MAN1C1: variants seen among roughly 807,000 people sequenced by gnomAD.
MAN1C1 encodes mannosidase alpha class 1C member 1.
MAN1C1 carries 49 observed loss-of-function variants against 71.5 expected under a neutral mutation model. That is an observed-to-expected ratio of 0.69 (90% confidence interval 0.54 to 0.87). MAN1C1 has a LOEUF of 0.87. Ranked by LOEUF, MAN1C1 falls within the 40% of genes least tolerant of loss-of-function variation. The pLI is 0.00. For missense variants in MAN1C1, 743 were observed against 835.0 expected, an observed-to-expected ratio of 0.89 and a Z score of 1.36; for synonymous variants, 352 against 343.7, an observed-to-expected ratio of 1.02 and a Z score of -0.27.
At chr1:25,733,258 AGCTCTGGAGTCCCGTTGGG>A (rs2046934697) in intron 2 of MAN1C1, among the ~76,000 whole-genome samples, 2 of 152,182 alleles carry the variant, frequency 1.3e-5, no homozygotes, top group African/African-American at 4.8e-5. Context: ...CAAGATGGGT[AGCTCTGGAGTCCCGTTGGG>A]CCCAGCCACT....
chr1:25,769,518 G>A lies in MAN1C1; in HGVS notation c.1142-2139G>A, dbSNP rs547211816. On this transcript the variant is annotated intron_variant, in intron 7 of 11. Transcript: ENST00000374332. This position sits in a 1 kb window ranked among gnomAD's most constrained non-coding sequence, Gnocchi z 4.8. ...CTAATGACCTGGCTCCCTCCCCTGC[G>A]TGCCCCTCCAGAGGAAGCCTGGACC... 6.2e-4 allele frequency among the ~76,000 whole-genome samples: 94 copies of A among 152,136 alleles called. No homozygotes were observed. The highest frequency in any genetic ancestry group is 1.9e-3 in the African/African-American group (78 of 41,504).
At chr1:25,749,224 C>T (rs773339655) in intron 3 of MAN1C1, 31 bp from the exon 4 acceptor site, 1 of 1,590,266 alleles carries the variant, frequency 6.3e-7, no homozygotes, top group Non-Finnish European at 8.6e-7. Flanking sequence ...CAAGTGTCCC[C>T]ACTGTCCCCC....
Position 25,758,790 on chromosome 1 carries a change from G to GTCCTCCCTCATGGA in MAN1C1, c.1047+84_1047+97dup, listed in dbSNP as rs1177340816. On this transcript the variant is annotated intron_variant, in intron 6 of 11. Transcript: ENST00000374332. ...CCACAGGGTTTTCAGAGGCGAGTGG[G>GTCCTCCCTCATGGA]TCCTCCCTCATGGATCAGCAGGAGG... The GTCCTCCCTCATGGA allele has an allele frequency of 1.8e-5, 22 of 1,250,948 alleles. No homozygotes were observed. The African/African-American group carries it at 2.9e-4, about 17-fold the overall frequency. The allele number at this position is 1,250,948 out of a possible 1,614,324, so 77.5% of individuals were successfully genotyped here. A position where few individuals can be genotyped will look rare whatever the true frequency, so the allele number is the denominator to read the frequency against.
rs778669432 is a variant in MAN1C1 at position 25,780,980 on chromosome 1, C to T, written c.1518C>T (p.Gly506=). 1.2e-6 allele frequency: 2 copies of T among 1,614,168 alleles called. No individual in the cohort carries two copies. Among genetic ancestry groups the T allele is most frequent in the Admixed American group, 1.7e-5 (1 of 60,030 alleles). Residue 506 remains glycine, a synonymous_variant, in exon 10 of 12, where the codon GGC becomes GGT. Coordinates refer to ENST00000374332, the MANE Select transcript of MAN1C1 (RefSeq NM_020379.4). The part of the protein sequence containing the change: ...LGPEAFWFNS[G]REAVATQLSE... ...CTGAGGCCTTCTGGTTTAACTCCGG[C>T]AGAGAGGCCGTGGCCACCCAGCTGA...
rs146528608 is a variant in MAN1C1, at chr1:25,782,803, G to A, written c.1766+103G>A. ...GTCAGGTTCTGTGGTCACAGGACGGGAGCCCAAAAGGGGTGAAGGGCTTGG... is the reference window on the plus strand; with the variant it reads ...GTCAGGTTCTGTGGTCACAGGACGGAAGCCCAAAAGGGGTGAAGGGCTTGG... On this transcript the variant is annotated intron_variant, in intron 11 of 11. Transcript: ENST00000374332. The surrounding 1 kb of genome is among the most constrained non-coding windows in gnomAD (Gnocchi z 4.4). 4,124 of 862,230 alleles carry A rather than the reference G, an allele frequency of 4.8e-3. 24 individuals are homozygous for A. Among genetic ancestry groups the A allele is most frequent in the Non-Finnish European group, 6.0e-3 (3,190 of 529,682 alleles). The allele number at this position is 862,230 out of a possible 1,614,324, so 53.4% of individuals were successfully genotyped here. A position where few individuals can be genotyped will look rare whatever the true frequency, so the allele number is the denominator to read the frequency against.
At chr1:25,763,747 T>A in intron 6 of MAN1C1, 127 bp from the exon 7 acceptor site, 2 of 751,998 alleles carry the variant, frequency 2.7e-6, no homozygotes, top group South Asian at 3.3e-5. Context: ...TGGGCAGCTC[T>A]CCCTTCCTGC....
At chr1:25,758,395 C>A (rs1176555581) in intron 5 of MAN1C1, among the ~76,000 whole-genome samples, 197 bp from the exon 6 acceptor site, 1 of 152,188 alleles carries the variant, frequency 6.6e-6, no homozygotes, top group Non-Finnish European at 1.5e-5. Context: ...TTCAAATGAA[C>A]TTCAGTGAGT....
At position 25,778,139 on chromosome 1, in the gene MAN1C1, G is replaced by C. The variant is rs1211117739; in HGVS notation, c.1292G>C (p.Gly431Ala). 6.3e-7 allele frequency: 1 copy of C among 1,591,728 alleles called. No homozygotes were observed. The highest frequency in any genetic ancestry group is 1.3e-5 in the African/African-American group (1 of 74,240). ...ACCTACTTGCTGAATGTCTCTCCCG[G>C]GGGGCTGACCTACATTGCCGAGTGG... ...IETYLLNVSP[G>A]GLTYIAEWRG... Residue 431 changes from glycine to alanine, a missense_variant, in exon 9 of 12, where the codon GGG becomes GCG. Transcript: ENST00000374332. The surrounding 1 kb of genome is among the most constrained non-coding windows in gnomAD (Gnocchi z 5.5).
At chr1:25,740,915 G>A (rs901771364) in intron 2 of MAN1C1, among the ~76,000 whole-genome samples, 1 of 152,096 alleles carries the variant, frequency 6.6e-6, no homozygotes, top group Non-Finnish European at 1.5e-5. Flanking sequence ...GATGTGGGCA[G>A]TGTCTGGAAA....
rs903989972 is a variant in MAN1C1 at position 25,756,428 on chromosome 1, G to C, written c.930-2164G>C. On this transcript the variant is annotated intron_variant, in intron 5 of 11. Transcript: ENST00000374332. ...AGCCCACTTGGGAGGGTGAGCATGT[G>C]GGGGTGGGAGAGAGGAAGGAGAGGC... Among the ~76,000 whole-genome samples the C allele has an allele frequency of 4.0e-5, 6 of 151,300 alleles. No individual in the cohort carries two copies. In the East Asian group the frequency reaches 5.9e-4, roughly 15 times the overall value.
At position 25,717,813 on chromosome 1, in the gene MAN1C1, C is replaced by A. The variant is rs776356410; in HGVS notation, c.638-28855C>A. The stretch of plus-strand genomic sequence containing the variant: ...TCCCAACCTCAGGTGATCTGCCCAC[C>A]TTGGCCTCCCAAAGTGCTGGGATTA... On this transcript the variant is annotated intron_variant, in intron 2 of 11. Coordinates refer to ENST00000374332, the MANE Select transcript of MAN1C1 (RefSeq NM_020379.4). 1.7e-3 allele frequency among the ~76,000 whole-genome samples: 253 copies of A among 152,082 alleles called. 1 individual carries two copies. Among genetic ancestry groups the A allele is most frequent in the Non-Finnish European group, 1.1e-3 (73 of 68,030 alleles).
chr1:25,731,339 A>G lies in MAN1C1; in HGVS notation c.638-15329A>G, dbSNP rs941389290. 5.7e-5 allele frequency among the ~76,000 whole-genome samples: 7 copies of G among 122,486 alleles called. No homozygotes were observed. The East Asian group carries it at 5.9e-4, about 10-fold the overall frequency. 80.4% of individuals were successfully genotyped at this position (122,486 alleles called of 152,430 possible). A position where few individuals can be genotyped will look rare whatever the true frequency, so the allele number is the denominator to read the frequency against. Reference sequence around the variant, plus strand: ...AATAACAATAATCATCATCATCGTCATCATCATCATCATCATCATCATCAT... The same window carrying G: ...AATAACAATAATCATCATCATCGTCGTCATCATCATCATCATCATCATCAT... On this transcript the variant is annotated intron_variant, in intron 2 of 11. Coordinates refer to ENST00000374332, the MANE Select transcript of MAN1C1 (RefSeq NM_020379.4).
intron 1 of MAN1C1, among the ~76,000 whole-genome samples, chr1:25,643,371 C>T (rs934494118): frequency 2.0e-5 from 3 of 150,778 alleles, no homozygotes; most frequent in African/African-American, 7.3e-5. Context: ...TCTCCAGCCT[C>T]AGCCTCCTGA....
At chr1:25,692,325 A>T (rs966035305) in intron 2 of MAN1C1, among the ~76,000 whole-genome samples, 1 of 152,216 alleles carries the variant, frequency 6.6e-6, no homozygotes, top group Non-Finnish European at 1.5e-5. Flanking sequence ...TTCGGGCCCA[A>T]GAACCCATTC....
At chr1:25,660,640 G>A (rs12731111) in intron 1 of MAN1C1, among the ~76,000 whole-genome samples, 3 of 151,426 alleles carry the variant, frequency 2.0e-5, no homozygotes, top group Non-Finnish European at 2.9e-5. Context: ...TGATCCGCCC[G>A]CCTCGGCCTC....
intron 3 of MAN1C1, 52 bp from the exon 4 acceptor site, chr1:25,749,203 C>A: frequency 6.7e-7 from 1 of 1,492,764 alleles, no homozygotes; most frequent in South Asian, 1.2e-5. Flanking sequence ...GTCTCAAGGG[C>A]CTGCATCTTA....
chr1:25,762,794 T>C (rs1278908886), intron 6 of MAN1C1, among the ~76,000 whole-genome samples: 1 of 152,218 alleles, frequency 6.6e-6, no homozygotes, highest in African/African-American at 2.4e-5. Flanking sequence ...TCTTGCCTAT[T>C]TGAATAATGC....
chr1:25,707,080 T>A (rs1414456687), intron 2 of MAN1C1, among the ~76,000 whole-genome samples: 1 of 152,238 alleles, frequency 6.6e-6, no homozygotes, highest in East Asian at 1.9e-4. Flanking sequence ...AGCTTGATGA[T>A]CCAGACTCAT....
chr1:25,618,186 C>T lies in MAN1C1; in HGVS notation c.389C>T (p.Pro130Leu), dbSNP rs866949839. ...EATAARGNSI[P>L]ASRPGDEGVP... ...ACGGCGGCCCGGGGCAATAGCATCC[C>T]GGCCTCCAGGCCCGGGGACGAGGGC... Residue 130 changes from proline (P) to leucine (L), a missense_variant, in exon 1 of 12, where the codon CCG becomes CTG. Pro to Leu is a moderately conservative substitution (Grantham distance 98). Transcript: ENST00000374332. 3 of 1,576,830 alleles carry T rather than the reference C, an allele frequency of 1.9e-6. No homozygotes were observed. The highest frequency in any genetic ancestry group is 2.7e-5 in the African/African-American group (2 of 73,942).
Sources: gnomAD v4.1 joint callset for allele counts (sites outside exome capture counted in the v4.1 genomes callset) on GRCh38, gnomAD v4.1.1 for gene constraint, Gnocchi (gnomAD v3.1) non-coding constraint, MANE v1.5 for transcripts, NCBI Gene and HGNC (gene_info 2026-07-23, HGNC 2026-07-21) for gene names.